The following BNIP2 variants were observed in gnomAD, a reference collection of about 807,000 sequenced individuals.
The protein encoded by BNIP2 is BCL2/adenovirus E1B 19 kDa protein-interacting protein 2.
In BNIP2, 36 loss-of-function variants were observed where a neutral mutation model predicts 43.4. The observed-to-expected ratio is 0.83, with a 90% confidence interval of 0.64 to 1.10. The LOEUF (loss-of-function observed/expected upper bound fraction) is 1.10. BNIP2 is among the 50% of genes least tolerant of loss of function. The pLI is 0.00. For synonymous variants in BNIP2, 146 were observed against 121.0 expected (o/e 1.21, Z -1.35); for missense variants, 417 against 374.1 (o/e 1.11, Z -0.95).
In BNIP2 at chr15:59,671,332, A is replaced by C; in HGVS notation, c.576-18T>G. The C allele has an allele frequency of 6.4e-7, 1 of 1,569,790 alleles. No individual in the cohort carries two copies. Among genetic ancestry groups the C allele is most frequent in the Non-Finnish European group, 8.7e-7 (1 of 1,156,024 alleles). On this transcript the variant is annotated intron_variant, in intron 6 of 9. Transcript: ENST00000607373. ...TAACATATCTGTAAAAAACAAATTA[A>C]GTTTAAGCCTTAAAAATCACTGTGC... is the stretch of plus-strand genomic sequence containing the variant.
At position 59,663,890 on chromosome 15, in the gene BNIP2, T is replaced by C. The variant is rs934656194; in HGVS notation, c.*179A>G. ...TATTAAAGAGCTAAATTCAAGAAAT[T>C]TGCAAACCAGTACAGCAGTGAACAG... On this transcript the variant is annotated 3_prime_UTR_variant, in exon 10 of 10. Transcript: ENST00000607373. 6 of 411,690 alleles carry C rather than the reference T, an allele frequency of 1.5e-5. No individual in the cohort carries two copies. The highest frequency in any genetic ancestry group is 8.2e-5 in the African/African-American group (4 of 48,590). 25.5% of individuals were successfully genotyped at this position (411,690 alleles called of 1,614,324 possible).
At chr15:59,676,933 C>G in intron 5 of BNIP2, 1 of 1,610,276 alleles carries the variant, frequency 6.2e-7, no homozygotes, top group Admixed American at 1.7e-5. Flanking sequence ...TCACCCTCTG[C>G]GAGAACAGCA....
chr15:59,682,552 T>G lies in BNIP2; in HGVS notation c.-57-38A>C, dbSNP rs772229166. 3.9e-6 allele frequency: 6 copies of G among 1,521,542 alleles called. No individual in the cohort carries two copies. In the East Asian group the frequency reaches 1.4e-4, roughly 34 times the overall value. The allele number at this position is 1,521,542 out of a possible 1,614,324, so 94.3% of individuals were successfully genotyped here. ...AAAAATGTATAACTTAATTTCCACT[T>G]TACTTTTTATCCACTGAAAAGGCGT... is the stretch of plus-strand genomic sequence containing the variant. On this transcript the variant is annotated intron_variant, in intron 1 of 9. Coordinates refer to ENST00000607373, the MANE Select transcript of BNIP2 (RefSeq NM_004330.4).
Position 59,682,388 on chromosome 15 carries a change from C to G in BNIP2, c.50+20G>C, listed in dbSNP as rs777790339. The G allele has an allele frequency of 7.6e-6, 12 of 1,575,918 alleles. No individual in the cohort carries two copies. Among genetic ancestry groups the G allele is most frequent in the Non-Finnish European group, 1.0e-5 (12 of 1,164,598 alleles). On this transcript the variant is annotated intron_variant, in intron 2 of 9. Transcript: ENST00000607373. ...TGAACTTTTGCTCTAAAATTGTTTT[C>G]TTTTAAAAGCATTGCTCACATCGGA...
At chr15:59,688,945 G>C (rs1487057949) in intron 1 of BNIP2, 190 bp downstream of exon 1, 3 of 1,447,042 alleles carry the variant, frequency 2.1e-6, no homozygotes, top group East Asian at 5.0e-5. Flanking sequence ...CCAAGGGCGG[G>C]GACCTAAGCA....
Position 59,669,283 on chromosome 15 carries a change from A to G in BNIP2, c.787T>C (p.Phe263Leu). The G allele has an allele frequency of 6.5e-7, 1 of 1,544,726 alleles. No homozygotes were observed. The highest frequency in any genetic ancestry group is 1.3e-5 in the South Asian group (1 of 76,974). Residue 263 changes from phenylalanine (F) to leucine (L), a missense_variant, in exon 8 of 10, where the codon TTT (phenylalanine) becomes CTT (leucine). Phe to Leu is a conservative substitution (Grantham distance 22, BLOSUM62 0). Coordinates refer to ENST00000607373, the MANE Select transcript of BNIP2 (RefSeq NM_004330.4). ...ATGGCTCTCAAAAATTACCTAATAA[A>G]TGGTCTTGTAACAGCCAGAAGTGTT... ...IRTLLAVTRP[F>L]ISSKFSQKIR...
chr15:59,683,543 G>A (rs56285418), intron 1 of BNIP2, among the ~76,000 whole-genome samples: 1,580 of 152,298 alleles, frequency 0.01, 32 homozygotes, highest in African/African-American at 0.036. Context: ...TAGGCCGGGC[G>A]CGGTGGCTCA....
At position 59,668,962 on chromosome 15, in the gene BNIP2, C is replaced by T. The variant is rs375444414; in HGVS notation, c.823G>A (p.Val275Met). 9 of 1,613,258 alleles carry T rather than the reference C, an allele frequency of 5.6e-6. No individual in the cohort carries two copies. Among genetic ancestry groups the T allele is most frequent in the African/African-American group, 1.3e-5 (1 of 74,882 alleles). The part of the protein sequence containing the change: ...SSKFSQKIRY[V>M]FNLAELAELV... ...TCTGCTAGTTCTGCCAAATTAAACA[C>T]GTATCTAATTTTTTGGCTGAATTTC... The change falls in exon 9 of 10, where the codon GTG (valine) becomes ATG (methionine). Residue 275 changes from valine to methionine, a missense_variant. Transcript: ENST00000607373.
At chr15:59,673,332 TCTCGAACTCCTGAC>T (rs1332052602) in intron 5 of BNIP2, among the ~76,000 whole-genome samples, 2 of 151,746 alleles carry the variant, frequency 1.3e-5, no homozygotes, top group African/African-American at 4.8e-5. Flanking sequence ...GCCAGACTGG[TCTCGAACTCCTGAC>T]CTCGTGATCT....
At position 59,678,045 on chromosome 15, in the gene BNIP2, C is replaced by A. The variant is rs1893420651; in HGVS notation, c.338G>T (p.Gly113Val). The change falls in exon 5 of 10, where the codon GGC becomes GTC. Residue 113 changes from glycine to valine, a missense_variant. Coordinates refer to ENST00000607373, the MANE Select transcript of BNIP2 (RefSeq NM_004330.4). ...TGCTGCTGTGTATTCAGTAATTGAGCCTTTCCTAATTACTTCAGTAGTCTT... is the reference window on the plus strand; with the variant it reads ...TGCTGCTGTGTATTCAGTAATTGAGACTTTCCTAATTACTTCAGTAGTCTT... ...KPKTTEVIRK[G>V]SITEYTAAEE... 1 of 1,613,400 alleles carries A rather than the reference C, an allele frequency of 6.2e-7. No individual in the cohort carries two copies. The highest frequency in any genetic ancestry group is 1.3e-5 in the African/African-American group (1 of 74,888).
rs1200473930 is a variant in BNIP2, at chr15:59,662,356, G to C, written c.*1713C>G. On this transcript the variant is annotated 3_prime_UTR_variant, in exon 10 of 10. Coordinates refer to ENST00000607373, the MANE Select transcript of BNIP2 (RefSeq NM_004330.4). ...TGTTAGTTTGCTTCTTCAACAACAA[G>C]TGTTCCTAAAATGTGAGCAAGCAAT... The C allele has an allele frequency of 6.6e-6, 1 of 152,168 alleles. No homozygotes were observed. Among genetic ancestry groups the C allele is most frequent in the East Asian group, 1.9e-4 (1 of 5,196 alleles). 9.4% of individuals were successfully genotyped at this position (152,168 alleles called of 1,614,324 possible).
chr15:59,677,075 C>A, intron 5 of BNIP2: 2 of 1,610,128 alleles, frequency 1.2e-6, no homozygotes, highest in Non-Finnish European at 8.5e-7. Context: ...ATGCTTCAGG[C>A]TAAGAAAGCA....
chr15:59,677,574 A>G (rs1239140437), intron 5 of BNIP2, among the ~76,000 whole-genome samples: 1 of 152,208 alleles, frequency 6.6e-6, no homozygotes, highest in Non-Finnish European at 1.5e-5. Flanking sequence ...TTGACACAGT[A>G]TGTCAAAAGT....
At chr15:59,682,967 T>C (rs1420142108) in intron 1 of BNIP2, among the ~76,000 whole-genome samples, 2 of 152,160 alleles carry the variant, frequency 1.3e-5, no homozygotes, top group Non-Finnish European at 2.9e-5. Flanking sequence ...CAGAGTCAGG[T>C]GGTGTGCTGT....
At chr15:59,687,157 G>A (rs1272673178) in intron 1 of BNIP2, among the ~76,000 whole-genome samples, 1 of 152,198 alleles carries the variant, frequency 6.6e-6, no homozygotes, top group Non-Finnish European at 1.5e-5. Context: ...TTGTCACTAT[G>A]CGGAACACAC....
In BNIP2 at chr15:59,677,996, G is replaced by A. The variant is rs1302340611; in HGVS notation, c.387C>T (p.Arg129=). 2 of 1,613,968 alleles carry A rather than the reference G, an allele frequency of 1.2e-6. No homozygotes were observed. Among genetic ancestry groups the A allele is most frequent in the African/African-American group, 2.7e-5 (2 of 75,036 alleles). Residue 129 remains arginine (R), a synonymous_variant, in exon 5 of 10, where the codon CGC becomes CGT. Transcript: ENST00000607373. ...TAAEEKEDGR[R]WRMFRIGEQD... ...GTTCTCCAATCCTGAACATACGCCA[G>A]CGTCGTCCATCTTCTTTTTCCTCTG...
At chr15:59,683,097 C>G (rs1023680682) in intron 1 of BNIP2, among the ~76,000 whole-genome samples, 27 of 152,244 alleles carry the variant, frequency 1.8e-4, no homozygotes, top group Admixed American at 5.2e-4. Context: ...CATATCTATA[C>G]TATGCCCTTC....
chr15:59,679,456 C>A, intron 4 of BNIP2, 136 bp downstream of exon 4: 1 of 1,037,280 alleles, frequency 9.6e-7, no homozygotes, highest in Admixed American at 3.0e-5. Flanking sequence ...CTTTTTAAGT[C>A]CTTGAGAATA....
chr15:59,678,843 G>C, intron 4 of BNIP2: 1 of 1,302,842 alleles, frequency 7.7e-7, no homozygotes, highest in Non-Finnish European at 1.0e-6. Context: ...GACTACAGCA[G>C]CATTAAAGAA....
Sources: gnomAD v4.1 joint callset for allele counts (sites outside exome capture counted in the v4.1 genomes callset) on GRCh38, gnomAD v4.1.1 for gene constraint, MANE v1.5 for transcripts, NCBI Gene and HGNC (gene_info 2026-07-23, HGNC 2026-07-21) for gene names.